COL8A2: variants seen among roughly 807,000 people sequenced by gnomAD.
COL8A2 encodes the protein collagen type VIII alpha 2 chain, also known as collagen alpha-2(VIII) chain.
A neutral mutation model predicts 24.0 loss-of-function variants in COL8A2; 16 were observed. That is an observed-to-expected ratio of 0.67 (90% CI 0.45 to 1.01). The LOEUF is 1.01. COL8A2 is among the 50% of genes least tolerant of loss of function. The pLI is 0.00. For synonymous variants in COL8A2, 466 were observed against 424.5 expected, an observed-to-expected ratio of 1.10 and a Z score of -1.20; for missense variants, 818 against 942.4, an observed-to-expected ratio of 0.87 and a Z score of 1.73.
In COL8A2 at chr1:36,123,173, G is replaced by GT. The variant is rs1377008551; in HGVS notation, c.-62+1883dup. On this transcript the variant is annotated intron_variant, in intron 1 of 3. Coordinates refer to ENST00000397799, the MANE Select transcript of COL8A2 (RefSeq NM_005202.4). This position sits in a 1 kb window ranked among gnomAD's most constrained non-coding sequence, Gnocchi z 4.1. ...GAGGAGAGGCCGCTGTGTCTCTCTC[G>GT]TTCCTCCGACCCGACACTATAATTT... 6.6e-6 allele frequency among the ~76,000 whole-genome samples: 1 copy of GT among 152,172 alleles called. No homozygotes were observed. Among genetic ancestry groups the GT allele is most frequent in the Non-Finnish European group, 1.5e-5 (1 of 68,032 alleles).
At position 36,125,153 on chromosome 1, in the gene COL8A2, T is replaced by C. The variant is rs962799645; in HGVS notation, c.-158A>G. ...GGCGTCCGCGGCTGGGCGGGCGGCG[T>C]TGGGGTCCGGGGTCCGCGCCGGCGG... On this transcript the variant is annotated 5_prime_UTR_variant, in exon 1 of 4. Transcript: ENST00000397799. The surrounding 1 kb of genome is among the most constrained non-coding windows in gnomAD (Gnocchi z 4.5). The C allele has an allele frequency of 1.6e-5, 10 of 624,670 alleles. No individual in the cohort carries two copies. The East Asian group carries it at 5.7e-4, about 35-fold the overall frequency. The allele number at this position is 624,670 out of a possible 1,614,324, so 38.7% of individuals were successfully genotyped here. A position where few individuals can be genotyped will look rare whatever the true frequency, so the allele number is the denominator to read the frequency against.
intron 1 of COL8A2, among the ~76,000 whole-genome samples, chr1:36,120,229 G>T (rs866168079): frequency 1.2e-4 from 18 of 152,032 alleles, no homozygotes; most frequent in Admixed American, 6.6e-5. Context: ...TCAGGCGGGC[G>T]GATCACTTGA....
intron 1 of COL8A2, among the ~76,000 whole-genome samples, chr1:36,121,388 C>CA (rs57902365): frequency 0.055 from 2,629 of 47,598 alleles, 445 homozygotes; most frequent in African/African-American, 0.18. Flanking sequence ...GACTCTGTCT[C>CA]AAAAAAAAAA....
At chr1:36,114,155 A>G (rs1018045027) in intron 2 of COL8A2, among the ~76,000 whole-genome samples, 1 of 27,956 alleles carries the variant, frequency 3.6e-5, no homozygotes, top group Non-Finnish European at 7.0e-5. Flanking sequence ...CATCTCTACT[A>G]AAAATACAAA....
Position 36,097,972 on chromosome 1 carries a change from G to C in COL8A2, c.1709C>G (p.Ser570Cys). Reference sequence around the variant, plus strand: ...AGTGAAGGCCGGTGTGGCATGGGCAGACAGCTCGCCCAGCCCAAACTGTGG... The same window carrying C: ...AGTGAAGGCCGGTGTGGCATGGGCACACAGCTCGCCCAGCCCAAACTGTGG... ...GKPQFGLGEL[S>C]AHATPAFTAV... Residue 570 changes from serine (S) to cysteine (C), a missense_variant, in exon 4 of 4, where the codon TCT becomes TGT. By Grantham distance (112) the Ser-to-Cys change is moderately radical. Around this residue, in one of 3 missense-constraint regions of COL8A2, gnomAD observed 235 missense variants for 297.3 expected, o/e 0.79. Coordinates refer to ENST00000397799, the MANE Select transcript of COL8A2 (RefSeq NM_005202.4). 6.2e-7 allele frequency: 1 copy of C among 1,606,992 alleles called. No homozygotes were observed. The highest frequency in any genetic ancestry group is 8.5e-7 in the Non-Finnish European group (1 of 1,178,810).
intron 1 of COL8A2, among the ~76,000 whole-genome samples, chr1:36,121,862 G>T (rs1199682045): frequency 6.6e-6 from 1 of 152,162 alleles, no homozygotes; most frequent in African/African-American, 2.4e-5. Context: ...GCTGCCGTGT[G>T]ACCTCAGGTG....
intron 1 of COL8A2, among the ~76,000 whole-genome samples, chr1:36,122,443 T>A (rs1643920647): frequency 6.6e-6 from 1 of 152,134 alleles, no homozygotes; most frequent in Non-Finnish European, 1.5e-5. Flanking sequence ...CTTGGGCACA[T>A]GTGTGTCCAC....
At chr1:36,099,947 G>A in intron 3 of COL8A2, 103 bp downstream of exon 3, 1 of 1,088,720 alleles carries the variant, frequency 9.2e-7, no homozygotes, top group Non-Finnish European at 1.4e-6. Flanking sequence ...GGTGGGGAAT[G>A]AGGAGCTGTG....
chr1:36,101,380 T>C (rs1478866216), intron 2 of COL8A2, among the ~76,000 whole-genome samples: 1 of 152,202 alleles, frequency 6.6e-6, no homozygotes, highest in Non-Finnish European at 1.5e-5. Flanking sequence ...AATGTTATTT[T>C]CCTCCTCTAC....
At chr1:36,106,423 C>CCTG (rs902378534) in intron 2 of COL8A2, among the ~76,000 whole-genome samples, 1 of 152,116 alleles carries the variant, frequency 6.6e-6, no homozygotes, top group Non-Finnish European at 1.5e-5. Flanking sequence ...GGAGGGCCCT[C>CCTG]CTGCACTGGC....
In COL8A2 at chr1:36,117,336, C is replaced by A. The variant is rs538518466; in HGVS notation, c.-61-1584G>T. ...GCCCCAGCTTCTCCGGCCCCAGCCC[C>A]GTCCCTGCACCATGAGACTCTGGGA... On this transcript the variant is annotated intron_variant, in intron 1 of 3. Transcript: ENST00000397799. Among the ~76,000 whole-genome samples the A allele has an allele frequency of 2.6e-5, 4 of 152,314 alleles. No homozygotes were observed. The East Asian group carries it at 7.7e-4, about 29-fold the overall frequency.
At position 36,100,114 on chromosome 1, in the gene COL8A2, G is replaced by GGCTC; in HGVS notation, c.128_129insGAGC (p.Tyr43Ter). The stretch of plus-strand genomic sequence containing the variant: ...CAGGTCCTTTCTGCATGGGCTGGAT[G>GGCTC]TACTTCACTGGGGCATAGCCCGCCG... On this transcript the variant is annotated stop_gained and frameshift_variant, in exon 3 of 4. Transcript: ENST00000397799. LOFTEE classifies it high-confidence loss of function. 6.2e-7 allele frequency: 1 copy of GGCTC among 1,613,162 alleles called. No homozygotes were observed. Among genetic ancestry groups the GGCTC allele is most frequent in the Non-Finnish European group, 8.5e-7 (1 of 1,179,514 alleles).
chr1:36,112,055 G>C (rs1464752873), intron 2 of COL8A2, among the ~76,000 whole-genome samples: 1 of 152,174 alleles, frequency 6.6e-6, no homozygotes, highest in Non-Finnish European at 1.5e-5. Flanking sequence ...CCAGGCTGGA[G>C]TGCAGTGACG....
chr1:36,104,472 C>G (rs912888936), intron 2 of COL8A2, among the ~76,000 whole-genome samples: 1 of 149,374 alleles, frequency 6.7e-6, no homozygotes, highest in African/African-American at 2.5e-5. Context: ...AGCCTGGTGA[C>G]AGAGTGAGAC....
At position 36,098,808 on chromosome 1, in the gene COL8A2, T is replaced by G; in HGVS notation, c.873A>C (p.Pro291=). 1 of 1,611,642 alleles carries G rather than the reference T, an allele frequency of 6.2e-7. No homozygotes were observed. The highest frequency in any genetic ancestry group is 8.5e-7 in the Non-Finnish European group (1 of 1,179,540). Residue 291 remains proline (P), a synonymous_variant, in exon 4 of 4, where the codon CCA becomes CCC. Coordinates refer to ENST00000397799, the MANE Select transcript of COL8A2 (RefSeq NM_005202.4). ...GVPGAAGLPG[P]QGPSGAKGEP... ...CCCCTTTGGCCCCTGATGGGCCCTG[T>G]GGTCCTGGCAACCCTGCTGCCCCTG...
chr1:36,101,689 G>A (rs1643680520), intron 2 of COL8A2, among the ~76,000 whole-genome samples: 1 of 152,200 alleles, frequency 6.6e-6, no homozygotes, highest in Non-Finnish European at 1.5e-5. Flanking sequence ...CAACGCAAAT[G>A]TCCATGGACA....
chr1:36,103,444 T>G (rs200262337), intron 2 of COL8A2, among the ~76,000 whole-genome samples: 1 of 151,956 alleles, frequency 6.6e-6, no homozygotes, highest in East Asian at 1.9e-4. Context: ...GGCTAATTTT[T>G]TGTATTTTTA....
chr1:36,113,572 C>G lies in COL8A2; in HGVS notation c.-17+2136G>C, dbSNP rs377335430. On this transcript the variant is annotated intron_variant, in intron 2 of 3. Coordinates refer to ENST00000397799, the MANE Select transcript of COL8A2 (RefSeq NM_005202.4). ...GGGTCCAGTGCCCACGAGCTGAGCT[C>G]TCTATCTACTGTGCAGATAAGGACT... is the stretch of plus-strand genomic sequence containing the variant. 4.6e-4 allele frequency among the ~76,000 whole-genome samples: 70 copies of G among 152,342 alleles called. No individual in the cohort carries two copies. In the East Asian group the frequency reaches 0.012, roughly 26 times the overall value.
In COL8A2 at chr1:36,098,471, T is replaced by C. The variant is rs1315537888; in HGVS notation, c.1210A>G (p.Lys404Glu). The change falls in exon 4 of 4, where the codon AAA becomes GAA. Residue 404 changes from lysine (K) to glutamate (E), a missense_variant. By Grantham distance (56) the Lys-to-Glu change is moderately conservative (BLOSUM62 1). Transcript: ENST00000397799. Reference protein sequence around the residue: ...GDQGPSGLAGKPGVPGERGLP... With the variant: ...GDQGPSGLAGEPGVPGERGLP... ...CCCCTCTCACCTGGGACCCCTGGTT[T>C]CCCAGCCAGGCCACTAGGCCCCTGG... 1 of 1,575,438 alleles carries C rather than the reference T, an allele frequency of 6.3e-7. No individual in the cohort carries two copies. Among genetic ancestry groups the C allele is most frequent in the Admixed American group, 1.8e-5 (1 of 55,178 alleles).
Sources: allele counts gnomAD v4.1 joint callset (sites outside exome capture counted in the v4.1 genomes callset), GRCh38; gene constraint gnomAD v4.1.1; regional missense constraint gnomAD v4.1.1; non-coding constraint Gnocchi (gnomAD v3.1); transcripts MANE v1.5; gene names NCBI Gene and HGNC (gene_info 2026-07-23, HGNC 2026-07-21).